Variants in CRTAM observed in about 807,000 individuals in gnomAD.
CRTAM encodes the protein cytotoxic and regulatory T-cell molecule.
In CRTAM, 44 loss-of-function variants were observed where a neutral mutation model predicts 50.0. The observed-to-expected ratio is 0.88, with a 90% CI of 0.69 to 1.13. CRTAM has a LOEUF of 1.13. CRTAM is among the 50% of genes most tolerant of loss of function. The pLI, the probability that CRTAM is intolerant of heterozygous loss-of-function variation, is 0.00. For synonymous variants in CRTAM, 159 were observed against 169.3 expected, an observed-to-expected ratio of 0.94 and a Z score of 0.47; for missense variants, 448 against 457.5, an observed-to-expected ratio of 0.98 and a Z score of 0.19.
intron 1 of CRTAM, among the ~76,000 whole-genome samples, chr11:122,844,229 G>A (rs1156761673): frequency 6.6e-6 from 1 of 152,084 alleles, no homozygotes; most frequent in Non-Finnish European, 1.5e-5. Context: ...ATGTTGTAAG[G>A]GTTAAATTAT....
rs143915588 is a variant in CRTAM at position 122,838,592 on chromosome 11, G to T, written c.46G>T (p.Glu16Ter). The T allele has an allele frequency of 4.3e-6, 7 of 1,614,092 alleles. No homozygotes were observed. Among genetic ancestry groups the T allele is most frequent in the Non-Finnish European group, 5.1e-6 (6 of 1,179,914 alleles). Residue 16 changes from glutamate to a stop codon, truncating the protein, a stop_gained and splice_region_variant, in exon 1 of 10, where the codon GAG (glutamate) becomes TAG (stop). Transcript: ENST00000227348. LOFTEE classifies it high-confidence loss of function. ...CTTGCTGGCATGGTTCCCCTTGCAAGGTAAGGACTTAGAGTTATTTTTGTT... is the reference window on the plus strand; with the variant it reads ...CTTGCTGGCATGGTTCCCCTTGCAATGTAAGGACTTAGAGTTATTTTTGTT... ...LSLLAWFPLQ[E>*]ASLTNHTETI...
chr11:122,851,398 AT>A (rs1338147871), intron 2 of CRTAM, among the ~76,000 whole-genome samples: 3 of 152,224 alleles, frequency 2.0e-5, no homozygotes, highest in Non-Finnish European at 1.5e-5. Flanking sequence ...AGAGAAAAAA[AT>A]TTTAAATAGA....
intron 6 of CRTAM, among the ~76,000 whole-genome samples, chr11:122,863,228 C>A (rs891824113): frequency 9.2e-5 from 10 of 108,666 alleles, no homozygotes; most frequent in South Asian, 3.0e-4. Flanking sequence ...AAATGAATTA[C>A]GAAAGAAAGA....
chr11:122,848,187 A>T (rs1412961467), intron 1 of CRTAM, among the ~76,000 whole-genome samples: 2 of 152,200 alleles, frequency 1.3e-5, no homozygotes, highest in African/African-American at 4.8e-5. Context: ...AGTCTAACAT[A>T]CTGCCAAGGT....
chr11:122,851,857 C>A lies in CRTAM; in HGVS notation c.346+12C>A. On this transcript the variant is annotated intron_variant, in intron 3 of 9. Transcript: ENST00000227348. ...AGTGATTGTGCTGGGTAGGTACCTG[C>A]AAGTGAACCCAGTAGGGGAGCAATA... is the stretch of plus-strand genomic sequence containing the variant. 6.2e-7 allele frequency: 1 copy of A among 1,613,094 alleles called. No homozygotes were observed. The highest frequency in any genetic ancestry group is 2.2e-5 in the East Asian group (1 of 44,854).
At chr11:122,856,171 A>C (rs1031743808) in intron 5 of CRTAM, among the ~76,000 whole-genome samples, 2 of 152,260 alleles carry the variant, frequency 1.3e-5, no homozygotes, top group African/African-American at 2.4e-5. Context: ...AATCATATGA[A>C]TCATACTGCA....
At chr11:122,867,829 A>G (rs1214493187) in intron 8 of CRTAM, among the ~76,000 whole-genome samples, 184 bp from the exon 9 acceptor site, 1 of 152,264 alleles carries the variant, frequency 6.6e-6, no homozygotes, top group Non-Finnish European at 1.5e-5. Context: ...TAAAAATCCC[A>G]GGACTGCCTA....
intron 1 of CRTAM, among the ~76,000 whole-genome samples, chr11:122,841,929 T>C (rs1861803914): frequency 6.6e-6 from 1 of 152,174 alleles, no homozygotes; most frequent in Non-Finnish European, 1.5e-5. Flanking sequence ...AGCTAAGGCC[T>C]GTTTTGGAAG....
chr11:122,867,300 C>T, intron 7 of CRTAM, 109 bp from the exon 8 acceptor site: 1 of 908,678 alleles, frequency 1.1e-6, no homozygotes, highest in East Asian at 2.6e-5. Context: ...TTCATCTGAG[C>T]TGTCTATTAG....
At chr11:122,856,338 C>A (rs1490615103) in intron 5 of CRTAM, among the ~76,000 whole-genome samples, 4 of 152,154 alleles carry the variant, frequency 2.6e-5, no homozygotes, top group Non-Finnish European at 5.9e-5. Context: ...TTTAGTTTAA[C>A]CATGTTAATA....
intron 9 of CRTAM, 62 bp from the exon 10 acceptor site, chr11:122,871,207 C>T: frequency 6.8e-7 from 1 of 1,462,384 alleles, no homozygotes; most frequent in Non-Finnish European, 9.2e-7. Flanking sequence ...CAAAGTGTTT[C>T]AAGTAAATGG....
intron 5 of CRTAM, among the ~76,000 whole-genome samples, chr11:122,859,576 T>C (rs1283402033): frequency 2.4e-4 from 36 of 152,298 alleles, no homozygotes; most frequent in Non-Finnish European, 1.5e-5. Context: ...CAAAATGTTA[T>C]TTTGCTTTAA....
rs957876946 is a variant in CRTAM at position 122,871,530 on chromosome 11, G to A, written c.*131G>A. The A allele has an allele frequency of 2.5e-5, 17 of 675,280 alleles. No individual in the cohort carries two copies. The highest frequency in any genetic ancestry group is 9.2e-5 in the South Asian group (3 of 32,632). The allele number at this position is 675,280 out of a possible 1,614,324, so 41.8% of individuals were successfully genotyped here. A position where few individuals can be genotyped will look rare whatever the true frequency, so the allele number is the denominator to read the frequency against. Reference sequence around the variant, plus strand: ...TAGTGCAATGCAAGATGGTGTCCTCGGATAATGATCTGCCCCGGAGCTAGG... The same window carrying A: ...TAGTGCAATGCAAGATGGTGTCCTCAGATAATGATCTGCCCCGGAGCTAGG... On this transcript the variant is annotated 3_prime_UTR_variant, in exon 10 of 10. Transcript: ENST00000227348.
intron 5 of CRTAM, among the ~76,000 whole-genome samples, chr11:122,859,476 A>T (rs1862045469): frequency 1.3e-5 from 2 of 152,186 alleles, no homozygotes; most frequent in Non-Finnish European, 2.9e-5. Context: ...TAGTGTGAAA[A>T]TGTCATTTTT....
chr11:122,867,378 T>G, intron 7 of CRTAM, 31 bp from the exon 8 acceptor site: 2 of 1,570,112 alleles, frequency 1.3e-6, no homozygotes, highest in Non-Finnish European at 8.6e-7. Context: ...AAACCCAAAG[T>G]ATCTAAACTC....
chr11:122,853,543 G>C (rs1037910359), intron 3 of CRTAM, among the ~76,000 whole-genome samples: 1 of 151,800 alleles, frequency 6.6e-6, no homozygotes, highest in Non-Finnish European at 1.5e-5. Flanking sequence ...AATATGGGCC[G>C]GGCGCAGTGG....
Position 122,838,584 on chromosome 11 carries a change from C to G in CRTAM, c.38C>G (p.Pro13Arg), listed in dbSNP as rs779552742. ...WRVLSLLAWF[P>R]LQEASLTNHT... ...GTTCTCAGCTTGCTGGCATGGTTCC[C>G]CTTGCAAGGTAAGGACTTAGAGTTA... Residue 13 changes from proline (P) to arginine (R), a missense_variant, in exon 1 of 10, where the codon CCC (proline) becomes CGC (arginine). Pro to Arg is a moderately radical substitution (Grantham distance 103, BLOSUM62 -2). Coordinates refer to ENST00000227348, the MANE Select transcript of CRTAM (RefSeq NM_019604.4). 6.2e-7 allele frequency: 1 copy of G among 1,614,128 alleles called. No homozygotes were observed. The highest frequency in any genetic ancestry group is 1.1e-5 in the South Asian group (1 of 91,084).
chr11:122,851,838 T>C lies in CRTAM; in HGVS notation c.339T>C (p.Ile113=). The change falls in exon 3 of 10, where the codon ATT becomes ATC. Residue 113 remains isoleucine, a synonymous_variant. Coordinates refer to ENST00000227348, the MANE Select transcript of CRTAM (RefSeq NM_019604.4). ...TAAGCACAAAGGAAGTGAAAGTGAT[T>C]GTGCTGGGTAGGTACCTGCAAGTGA... is the stretch of plus-strand genomic sequence containing the variant. ...DSVSTKEVKV[I]VLATPFKPIL... 6.2e-7 allele frequency: 1 copy of C among 1,614,128 alleles called. No homozygotes were observed. The highest frequency in any genetic ancestry group is 1.3e-5 in the African/African-American group (1 of 75,044).
At chr11:122,862,956 A>G (rs544134721) in intron 6 of CRTAM, among the ~76,000 whole-genome samples, 1 of 152,368 alleles carries the variant, frequency 6.6e-6, no homozygotes, top group East Asian at 1.9e-4. Context: ...AAGAGAAAAG[A>G]AGCAGAAGCT....
Sources: allele counts gnomAD v4.1 joint callset (sites outside exome capture counted in the v4.1 genomes callset), GRCh38; gene constraint gnomAD v4.1.1; transcripts MANE v1.5; gene names NCBI Gene and HGNC (gene_info 2026-07-23, HGNC 2026-07-21).